Variants in ERGIC1 observed in about 807,000 individuals in gnomAD.
The protein encoded by ERGIC1 is endoplasmic reticulum-golgi intermediate compartment 1, also known as endoplasmic reticulum-Golgi intermediate compartment protein 1.
ERGIC1 carries 19 observed loss-of-function variants against 38.3 expected under a neutral mutation model. That is an observed-to-expected ratio of 0.50 (90% CI 0.35 to 0.73). The LOEUF is 0.73. ERGIC1 is among the 30% of genes least tolerant of loss of function. The probability of loss-of-function intolerance (pLI) is 0.01; values close to 1 mark genes in which losing one functional copy is unlikely to be tolerated. For synonymous variants in ERGIC1, 124 were observed against 157.6 expected, an observed-to-expected ratio of 0.79 and a Z score of 1.60; for missense variants, 294 against 389.2, an observed-to-expected ratio of 0.76 and a Z score of 2.06.
At chr5:172,849,505 G>A (rs544385181) in intron 1 of ERGIC1, among the ~76,000 whole-genome samples, 3 of 152,318 alleles carry the variant, frequency 2.0e-5, no homozygotes, top group African/African-American at 7.2e-5. Context: ...AAAAGCGAGT[G>A]ATGGGACTAA....
intron 1 of ERGIC1, among the ~76,000 whole-genome samples, chr5:172,852,438 AC>A (rs949028188): frequency 4.0e-5 from 6 of 151,056 alleles, no homozygotes; most frequent in Admixed American, 2.0e-4. Flanking sequence ...GATGCCAGGG[AC>A]CCAGGCAGGG....
intron 2 of ERGIC1, among the ~76,000 whole-genome samples, chr5:172,892,079 T>G (rs1314746054): frequency 6.6e-6 from 1 of 150,604 alleles, no homozygotes; most frequent in Non-Finnish European, 1.5e-5. Context: ...TTTTTTTTTT[T>G]TTTTTTTGAA....
intron 4 of ERGIC1, among the ~76,000 whole-genome samples, 184 bp downstream of exon 4, chr5:172,909,945 A>G (rs544315194): frequency 4.0e-4 from 61 of 152,294 alleles, no homozygotes; most frequent in African/African-American, 1.4e-3. Flanking sequence ...TAAACACAAG[A>G]CACTACTCAT....
At chr5:172,915,052 G>A in intron 5 of ERGIC1, 1 of 752,606 alleles carries the variant, frequency 1.3e-6, no homozygotes, top group Middle Eastern at 2.2e-4. Flanking sequence ...GGCTGGTTCA[G>A]GAAGGAGCTA....
At chr5:172,873,420 G>A (rs1762067061) in intron 1 of ERGIC1, among the ~76,000 whole-genome samples, 1 of 152,214 alleles carries the variant, frequency 6.6e-6, no homozygotes, top group Non-Finnish European at 1.5e-5. Flanking sequence ...AGGCAAGTGG[G>A]GGTGAGGGGC....
chr5:172,835,119 C>G (rs1761002725), intron 1 of ERGIC1, among the ~76,000 whole-genome samples: 1 of 152,188 alleles, frequency 6.6e-6, no homozygotes. Context: ...GCCTCATGGT[C>G]TAGGTTGCAT....
At chr5:172,882,161 C>T (rs1039004866) in intron 1 of ERGIC1, among the ~76,000 whole-genome samples, 1 of 152,132 alleles carries the variant, frequency 6.6e-6, no homozygotes, top group Non-Finnish European at 1.5e-5. Flanking sequence ...GGCTCTGTGG[C>T]GTGGGAATGG....
At chr5:172,861,159 C>T (rs1290414633) in intron 1 of ERGIC1, among the ~76,000 whole-genome samples, 2 of 152,230 alleles carry the variant, frequency 1.3e-5, no homozygotes, top group African/African-American at 4.8e-5. Context: ...CAGTGGCCAC[C>T]GCTGCTGCTG....
At chr5:172,925,300 C>T (rs1763625428) in intron 6 of ERGIC1, among the ~76,000 whole-genome samples, 1 of 152,122 alleles carries the variant, frequency 6.6e-6, no homozygotes, top group South Asian at 2.1e-4. Context: ...AGCCATGTCA[C>T]ATGACAATGG....
intron 1 of ERGIC1, among the ~76,000 whole-genome samples, chr5:172,869,443 T>A (rs1761948902): frequency 6.6e-6 from 1 of 152,152 alleles, no homozygotes; most frequent in African/African-American, 2.4e-5. Flanking sequence ...AGGGCCAAGC[T>A]GGGAGGCAAG....
intron 5 of ERGIC1, among the ~76,000 whole-genome samples, chr5:172,920,155 C>T (rs1763473270): frequency 6.6e-6 from 1 of 152,160 alleles, no homozygotes; most frequent in South Asian, 2.1e-4. Flanking sequence ...CAGCCTAGGG[C>T]ACCCTCTGCC....
chr5:172,937,622 A>G (rs1763915446), intron 9 of ERGIC1: 1 of 151,860 alleles, frequency 6.6e-6, no homozygotes, highest in Non-Finnish European at 1.5e-5. Flanking sequence ...GTGGGCCATG[A>G]TGGCGCCACT....
At chr5:172,901,172 A>C (rs907835327) in intron 3 of ERGIC1, among the ~76,000 whole-genome samples, 2 of 152,238 alleles carry the variant, frequency 1.3e-5, no homozygotes, top group African/African-American at 4.8e-5. Flanking sequence ...CGTTGGTTGG[A>C]TCAACATGGC....
At chr5:172,932,395 T>G in intron 7 of ERGIC1, 41 bp from the exon 8 acceptor site, 1 of 1,599,590 alleles carries the variant, frequency 6.3e-7, no homozygotes, top group African/African-American at 1.3e-5. Context: ...CAGCGGGCAG[T>G]GCCCGTCCCC....
At position 172,834,379 on chromosome 5, in the gene ERGIC1, T is replaced by G. The variant is rs1045432348; in HGVS notation, c.-35T>G. 7.8e-7 allele frequency: 1 copy of G among 1,286,658 alleles called. No individual in the cohort carries two copies. Among genetic ancestry groups the G allele is most frequent in the Non-Finnish European group, 9.8e-7 (1 of 1,016,832 alleles). The allele number at this position is 1,286,658 out of a possible 1,614,324, so 79.7% of individuals were successfully genotyped here. On this transcript the variant is annotated 5_prime_UTR_variant, in exon 1 of 10. Transcript: ENST00000393784. This position sits in a 1 kb window ranked among gnomAD's most constrained non-coding sequence, Gnocchi z 4.1. ...GACCCACGCGGCGCCGCGGCCCGCCTGGCCTGCAGCGCTCCCACCCCCGGC... is the reference window on the plus strand; with the variant it reads ...GACCCACGCGGCGCCGCGGCCCGCCGGGCCTGCAGCGCTCCCACCCCCGGC...
intron 5 of ERGIC1, chr5:172,915,673 G>A (rs1338380407): frequency 4.3e-6 from 2 of 470,366 alleles, no homozygotes; most frequent in Non-Finnish European, 8.8e-6. Flanking sequence ...AACGCTGTGA[G>A]GCAGCACCAT....
intron 1 of ERGIC1, among the ~76,000 whole-genome samples, chr5:172,863,825 G>A (rs55955904): frequency 0.73 from 110,326 of 152,136 alleles, 41,645 homozygotes; most frequent in Non-Finnish European, 0.84. Flanking sequence ...GGCTCAACAG[G>A]CCAGGGCTTT....
chr5:172,881,469 G>A (rs1005443327), intron 1 of ERGIC1, among the ~76,000 whole-genome samples: 2 of 152,208 alleles, frequency 1.3e-5, no homozygotes, highest in Non-Finnish European at 2.9e-5. Flanking sequence ...TAGAGGAAAG[G>A]TCTGGGACCT....
At chr5:172,892,886 C>T (rs150760013) in intron 2 of ERGIC1, among the ~76,000 whole-genome samples, 94 of 152,270 alleles carry the variant, frequency 6.2e-4, no homozygotes, top group African/African-American at 2.1e-3. Context: ...TGCGTGTGAT[C>T]GGGACCTTTG....
Sources: gnomAD v4.1 joint callset for allele counts (sites outside exome capture counted in the v4.1 genomes callset) on GRCh38, gnomAD v4.1.1 for gene constraint, Gnocchi (gnomAD v3.1) non-coding constraint, MANE v1.5 for transcripts, NCBI Gene and HGNC (gene_info 2026-07-23, HGNC 2026-07-21) for gene names.